SLC48A1: variants seen among roughly 807,000 people sequenced by gnomAD.
SLC48A1 encodes the protein solute carrier family 48 member 1.
A neutral mutation model predicts 14.8 loss-of-function variants in SLC48A1; 6 were observed. The observed-to-expected ratio is 0.41, with a 90% CI of 0.22 to 0.80. The LOEUF (loss-of-function observed/expected upper bound fraction) is 0.80. SLC48A1 is among the 30% of genes least tolerant of loss of function. SLC48A1 has a pLI of 0.34. For missense variants in SLC48A1, 165 were observed against 204.8 expected (o/e 0.81, Z 1.19); for synonymous variants, 89 against 90.0 (o/e 0.99, Z 0.06).
rs144676003 is a variant in SLC48A1 at position 47,763,945 on chromosome 12, C to T, written c.-187+3544C>T. Among the ~76,000 whole-genome samples, 405 of 152,286 alleles carry T rather than the reference C, an allele frequency of 2.7e-3. 1 individual carries two copies. Among genetic ancestry groups the T allele is most frequent in the Middle Eastern group, 6.8e-3 (2 of 294 alleles). On this transcript the variant is annotated intron_variant, in intron 2 of 4. Transcript: ENST00000547002. The stretch of plus-strand genomic sequence containing the variant: ...CGGAGATGAGGAAACAGTCGCTGAA[C>T]AGACCTGAGGTGGTGATGCTGGGCT...
chr12:47,775,694 G>T (rs904072039), intron 1 of SLC48A1, among the ~76,000 whole-genome samples: 2 of 152,188 alleles, frequency 1.3e-5, no homozygotes, highest in South Asian at 4.1e-4. Flanking sequence ...CCCAAGGGTA[G>T]CCCCAGCATG....
At chr12:47,761,005 T>G (rs1275593578) in intron 2 of SLC48A1, among the ~76,000 whole-genome samples, 5 of 152,192 alleles carry the variant, frequency 3.3e-5, no homozygotes, top group Admixed American at 6.5e-5. Flanking sequence ...AAGACTAGCC[T>G]GACCAACATG....
chr12:47,759,000 G>A, intron 1 of SLC48A1: 1 of 992,512 alleles, frequency 1.0e-6, no homozygotes, highest in Non-Finnish European at 1.2e-6. Context: ...AATGCGTAGG[G>A]GAAGGGGGCC....
At chr12:47,756,783 A>G (rs1399467351), upstream of SLC48A1, among the ~76,000 whole-genome samples, 1 of 152,098 alleles carries the variant, frequency 6.6e-6, no homozygotes, top group African/African-American at 2.4e-5. Flanking sequence ...ATCCTGGCCA[A>G]TATGGTGAAA....
intron 2 of SLC48A1, among the ~76,000 whole-genome samples, chr12:47,765,901 T>C (rs1014765498): frequency 6.6e-6 from 1 of 152,136 alleles, no homozygotes; most frequent in African/African-American, 2.4e-5. Flanking sequence ...CCTCCTGCCA[T>C]GGCTTTTTCT....
At position 47,773,346 on chromosome 12, in the gene SLC48A1, C is replaced by T. The variant is rs1360628307; in HGVS notation, c.42C>T (p.Tyr14=). 2.0e-6 allele frequency: 3 copies of T among 1,476,160 alleles called. No homozygotes were observed. The South Asian group carries it at 3.9e-5, about 19-fold the overall frequency. The allele number at this position is 1,476,160 out of a possible 1,614,324, so 91.4% of individuals were successfully genotyped here. Residue 14 remains tyrosine, a synonymous_variant, in exon 1 of 3, where the codon TAC becomes TAT. Transcript: ENST00000442218. ...SRLQLGLRAA[Y]SGISSVAGFS... Reference sequence around the variant, plus strand: ...TGCAGCTCGGCCTCCGCGCCGCCTACTCCGGCATCAGCTCCGTGGCCGGCT... The same window carrying T: ...TGCAGCTCGGCCTCCGCGCCGCCTATTCCGGCATCAGCTCCGTGGCCGGCT...
At chr12:47,778,786 A>G in intron 1 of SLC48A1, 2 of 442,740 alleles carry the variant, frequency 4.5e-6, no homozygotes, top group Non-Finnish European at 8.0e-6. Flanking sequence ...ACAAAATAAA[A>G]TCAGAGAGAA....
chr12:47,779,809 G>A (rs1035828400), intron 2 of SLC48A1, among the ~76,000 whole-genome samples: 1 of 152,228 alleles, frequency 6.6e-6, no homozygotes, highest in African/African-American at 2.4e-5. Context: ...GGTCAGCGGC[G>A]GGCATTAGAA....
intron 1 of SLC48A1, among the ~76,000 whole-genome samples, chr12:47,776,955 C>T (rs1020604729): frequency 2.0e-5 from 3 of 152,168 alleles, no homozygotes; most frequent in Admixed American, 1.3e-4. Flanking sequence ...AGCTCAACTT[C>T]CCCAACCCCT....
chr12:47,780,691 C>A lies in SLC48A1; in HGVS notation c.*410C>A. The A allele has an allele frequency of 2.5e-6, 1 of 402,264 alleles. No homozygotes were observed. The allele number at this position is 402,264 out of a possible 1,614,324, so 24.9% of individuals were successfully genotyped here. ...AAGCAATTCTCCTGCCTTGGCCTCT[C>A]AAGTAGCTGGGATTACAGGCATCTG... On this transcript the variant is annotated 3_prime_UTR_variant, in exon 3 of 3. Transcript: ENST00000442218.
upstream of SLC48A1, chr12:47,773,210 T>C: frequency 9.5e-7 from 1 of 1,054,990 alleles, no homozygotes; most frequent in South Asian, 4.4e-5. Flanking sequence ...CGCCGGCTGC[T>C]CTGGCGGCTC....
upstream of SLC48A1, among the ~76,000 whole-genome samples, chr12:47,767,724 G>T (rs1467923916): frequency 6.6e-6 from 1 of 152,232 alleles, no homozygotes; most frequent in Non-Finnish European, 1.5e-5. Context: ...AGACTTGAAT[G>T]ATGAGGGATC....
rs76537468 is a variant in SLC48A1 at position 47,766,392 on chromosome 12, G to T, written c.-186-5778G>T. The stretch of plus-strand genomic sequence containing the variant: ...TCCTGCCCCTGGCAGCTTCCAAGGA[G>T]TCAAGGAAGTCAGTCAGCCCCATTT... On this transcript the variant is annotated intron_variant, in intron 2 of 4. Transcript: ENST00000547002. Among the ~76,000 whole-genome samples, 503 of 152,296 alleles carry T rather than the reference G, an allele frequency of 3.3e-3. 4 individuals carry two copies. Among genetic ancestry groups the T allele is most frequent in the African/African-American group, 0.012 (478 of 41,550 alleles).
upstream of SLC48A1, chr12:47,758,388 A>T (rs988950530): frequency 6.6e-7 from 1 of 1,518,046 alleles, no homozygotes; most frequent in African/African-American, 1.4e-5. Context: ...GTATGAAGCT[A>T]TAGATTCACT....
chr12:47,761,691 C>T (rs962648313), intron 2 of SLC48A1, among the ~76,000 whole-genome samples: 2 of 152,314 alleles, frequency 1.3e-5, no homozygotes, highest in South Asian at 2.1e-4. Context: ...CATGCCATGT[C>T]CTGGTACCGC....
chr12:47,760,790 G>A (rs1942358174), intron 2 of SLC48A1, among the ~76,000 whole-genome samples: 1 of 152,168 alleles, frequency 6.6e-6, no homozygotes, highest in South Asian at 2.1e-4. Context: ...TGGAGCTGGG[G>A]CATGAATCCA....
At chr12:47,773,149 G>C, upstream of SLC48A1, 2 of 971,392 alleles carry the variant, frequency 2.1e-6, no homozygotes, top group Non-Finnish European at 2.4e-6. Flanking sequence ...TCCGGCCGGG[G>C]AGGGCGCTGT....
At chr12:47,758,812 C>T in intron 1 of SLC48A1, 8 of 1,232,864 alleles carry the variant, frequency 6.5e-6, no homozygotes, top group Non-Finnish European at 8.1e-6. Flanking sequence ...CGACAGGGAG[C>T]CCCGAGCCTG....
At chr12:47,770,701 TA>T (rs1212032163), upstream of SLC48A1, among the ~76,000 whole-genome samples, 1 of 152,258 alleles carries the variant, frequency 6.6e-6, no homozygotes, top group Non-Finnish European at 1.5e-5. Context: ...GCCATAGTTC[TA>T]AAACACAGAA....
Sources: gnomAD v4.1 joint callset for allele counts (sites outside exome capture counted in the v4.1 genomes callset) on GRCh38, gnomAD v4.1.1 for gene constraint, MANE v1.5 for transcripts, NCBI Gene and HGNC (gene_info 2026-07-23, HGNC 2026-07-21) for gene names.